Variants in FOXP4 observed in about 807,000 individuals in gnomAD.
The protein encoded by FOXP4 is forkhead box protein P4.
In FOXP4, 25 loss-of-function variants were observed where a neutral mutation model predicts 82.6. The observed-to-expected ratio is 0.30, with a 90% CI of 0.22 to 0.42. The LOEUF is 0.42. FOXP4 is among the 10% of genes least tolerant of loss of function. The pLI is 1.00. For missense variants in FOXP4, 785 were observed against 900.9 expected, an observed-to-expected ratio of 0.87 and a Z score of 1.65; for synonymous variants, 415 against 388.2, an observed-to-expected ratio of 1.07 and a Z score of -0.81.
At chr6:41,590,774 A>G (rs533284602) in intron 12 of FOXP4, among the ~76,000 whole-genome samples, 1 of 152,308 alleles carries the variant, frequency 6.6e-6, no homozygotes. Context: ...ATACCCACAC[A>G]GGCATGTACA....
chr6:41,590,750 A>G lies in FOXP4; in HGVS notation c.1434+403A>G, dbSNP rs983083400. Among the ~76,000 whole-genome samples, 5 of 152,144 alleles carry G rather than the reference A, an allele frequency of 3.3e-5. No individual in the cohort carries two copies. The South Asian group carries it at 6.2e-4, about 19-fold the overall frequency. On this transcript the variant is annotated intron_variant, in intron 12 of 16. Coordinates refer to ENST00000307972, the MANE Select transcript of FOXP4 (RefSeq NM_001012426.2). Reference sequence around the variant, plus strand: ...CTCAAGCATGAACTTACATCGACACATATGTCCTCCCTGATACCCACACAG... The same window carrying G: ...CTCAAGCATGAACTTACATCGACACGTATGTCCTCCCTGATACCCACACAG...
chr6:41,598,940 C>T lies in FOXP4; in HGVS notation c.*4C>T. On this transcript the variant is annotated 3_prime_UTR_variant, in exon 17 of 17. Coordinates refer to ENST00000307972, the MANE Select transcript of FOXP4 (RefSeq NM_001012426.2). ...GCCGGGAGAAGAACTGTCCTAAGGG[C>T]CTGTAGTGACCGGCAGGGCTGGGGT... 6.3e-7 allele frequency: 1 copy of T among 1,584,672 alleles called. No homozygotes were observed. The highest frequency in any genetic ancestry group is 8.6e-7 in the Non-Finnish European group (1 of 1,167,692).
intron 3 of FOXP4, 33 bp downstream of exon 3, chr6:41,578,114 T>G: frequency 6.3e-7 from 1 of 1,583,364 alleles, no homozygotes; most frequent in South Asian, 1.1e-5. Flanking sequence ...GGCTCTGGGT[T>G]GGGCTGGAGT....
At chr6:41,560,031 C>T (rs1230502972) in intron 1 of FOXP4, among the ~76,000 whole-genome samples, 2 of 152,228 alleles carry the variant, frequency 1.3e-5, no homozygotes, top group Middle Eastern at 3.2e-3. Context: ...TTATTGCAAT[C>T]TGCTTCCTAA....
At position 41,571,618 on chromosome 6, in the gene FOXP4, C is replaced by T. The variant is rs530643152; in HGVS notation, c.204+5654C>T. 5.9e-5 allele frequency among the ~76,000 whole-genome samples: 9 copies of T among 152,186 alleles called. No individual in the cohort carries two copies. In the South Asian group the frequency reaches 8.3e-4, roughly 14 times the overall value. On this transcript the variant is annotated intron_variant, in intron 2 of 16. Coordinates refer to ENST00000307972, the MANE Select transcript of FOXP4 (RefSeq NM_001012426.2). ...TTTTAATGGTTCTAATTTGAGAATG[C>T]GCCGATGTCATTTTTACGAGGTTGG... is the stretch of plus-strand genomic sequence containing the variant.
In FOXP4 at chr6:41,587,485, C is replaced by T; in HGVS notation, c.845C>T (p.Pro282Leu). 3 of 1,529,644 alleles carry T rather than the reference C, an allele frequency of 2.0e-6. No individual in the cohort carries two copies. The highest frequency in any genetic ancestry group is 1.3e-5 in the South Asian group (1 of 77,132). 94.8% of individuals were successfully genotyped at this position (1,529,644 alleles called of 1,614,324 possible). ...CACCATACCCTGCCCAACGGACAGC[C>T]TACTGTGCTCACATCTCGGAGAGAC... ...LSHHTLPNGQPTVLTSRRDSS... is the reference protein window; with the variant it reads ...LSHHTLPNGQLTVLTSRRDSS... Residue 282 changes from proline (P) to leucine (L), a missense_variant, in exon 7 of 17, where the codon CCT becomes CTT. Physicochemically the swap from Pro to Leu is moderately conservative, Grantham distance 98. Transcript: ENST00000307972.
At chr6:41,587,747 G>C in intron 7 of FOXP4, 46 bp from the exon 8 acceptor site, 1 of 1,304,370 alleles carries the variant, frequency 7.7e-7, no homozygotes, top group Non-Finnish European at 1.1e-6. Context: ...AGGGCCGCTG[G>C]GGTCTTCAGG....
At chr6:41,567,320 T>C (rs946770930) in intron 2 of FOXP4, among the ~76,000 whole-genome samples, 1 of 152,152 alleles carries the variant, frequency 6.6e-6, no homozygotes, top group Non-Finnish European at 1.5e-5. Context: ...AAAATCACTT[T>C]CTCTTGCCAG....
At chr6:41,575,605 A>T (rs971072782) in intron 2 of FOXP4, among the ~76,000 whole-genome samples, 2 of 152,162 alleles carry the variant, frequency 1.3e-5, no homozygotes, top group Non-Finnish European at 2.9e-5. Flanking sequence ...TGAGACTGCA[A>T]GGCCTTGCCA....
In FOXP4 at chr6:41,591,207, T is replaced by A; in HGVS notation, c.1435-14T>A. The A allele has an allele frequency of 6.3e-7, 1 of 1,599,304 alleles. No homozygotes were observed. Among genetic ancestry groups the A allele is most frequent in the East Asian group, 2.2e-5 (1 of 44,576 alleles). Reference sequence around the variant, plus strand: ...CCCAGGCTGACGGTCCCTTTGCTTGTTCCTTCCCCGCAGGCCATCCTGGAA... The same window carrying A: ...CCCAGGCTGACGGTCCCTTTGCTTGATCCTTCCCCGCAGGCCATCCTGGAA... On this transcript the variant is annotated splice_polypyrimidine_tract_variant and intron_variant, in intron 12 of 16. Coordinates refer to ENST00000307972, the MANE Select transcript of FOXP4 (RefSeq NM_001012426.2). The surrounding 1 kb of genome is among the most constrained non-coding windows in gnomAD (Gnocchi z 4.2).
At chr6:41,565,621 A>G in intron 1 of FOXP4, 124 bp from the exon 2 acceptor site, 1 of 848,962 alleles carries the variant, frequency 1.2e-6, no homozygotes, top group Non-Finnish European at 1.8e-6. Flanking sequence ...AGCCTCTGGG[A>G]AGTTGAGGAG....
At chr6:41,550,024 C>T (rs1048235386) in intron 1 of FOXP4, among the ~76,000 whole-genome samples, 5 of 152,194 alleles carry the variant, frequency 3.3e-5, no homozygotes, top group Admixed American at 1.3e-4. Context: ...GATCTTACCA[C>T]GCTCCAGCTT....
chr6:41,586,992 C>G lies in FOXP4; in HGVS notation c.511-17C>G, dbSNP rs777549120. On this transcript the variant is annotated splice_polypyrimidine_tract_variant and intron_variant, in intron 5 of 16. Transcript: ENST00000307972. The stretch of plus-strand genomic sequence containing the variant: ...GATGGCACCCCTCTCTGCCCGCCCC[C>G]TCGGGCCCCTCACCAGGCACTGGGG... 3.2e-6 allele frequency: 5 copies of G among 1,565,792 alleles called. No homozygotes were observed. In the African/African-American group the frequency reaches 6.7e-5, roughly 21 times the overall value.
At chr6:41,564,247 A>G (rs1764749578) in intron 1 of FOXP4, among the ~76,000 whole-genome samples, 1 of 152,124 alleles carries the variant, frequency 6.6e-6, no homozygotes, top group Non-Finnish European at 1.5e-5. Context: ...TGAGGCCAGG[A>G]GTTCGAGACC....
chr6:41,596,218 G>C (rs1766824741), intron 14 of FOXP4, among the ~76,000 whole-genome samples: 1 of 152,206 alleles, frequency 6.6e-6, no homozygotes, highest in South Asian at 2.1e-4. Flanking sequence ...AGTTTAAACA[G>C]AAACTGAGGA....
At chr6:41,587,232 T>C in intron 6 of FOXP4, 67 bp from the exon 7 acceptor site, 1 of 1,607,818 alleles carries the variant, frequency 6.2e-7, no homozygotes, top group Non-Finnish European at 8.5e-7. Flanking sequence ...GCAGCCCCTG[T>C]TCTTGGGGCC....
chr6:41,565,856 C>T lies in FOXP4; in HGVS notation c.96C>T (p.Gly32=), dbSNP rs149894394. 300 of 1,613,904 alleles carry T rather than the reference C, an allele frequency of 1.9e-4. No individual in the cohort carries two copies. Among genetic ancestry groups the T allele is most frequent in the South Asian group, 8.5e-4 (77 of 91,068 alleles). ...CTGGGCAAGCCGATGGCAGCAGCGG[C>T]GGGGCCACAGGGACAACTGCAAGTG... ...SLSGQADGSS[G]GATGTTASGT... The change falls in exon 2 of 17, where the codon GGC becomes GGT. Residue 32 remains glycine (G), a synonymous_variant. Coordinates refer to ENST00000307972, the MANE Select transcript of FOXP4 (RefSeq NM_001012426.2).
intron 3 of FOXP4, among the ~76,000 whole-genome samples, chr6:41,579,874 G>T (rs1004771010): frequency 6.6e-6 from 1 of 152,118 alleles, no homozygotes; most frequent in Non-Finnish European, 1.5e-5. Context: ...GACACTAAGC[G>T]CTTTACAGCT....
intron 3 of FOXP4, among the ~76,000 whole-genome samples, chr6:41,581,597 G>A (rs1274959933): frequency 1.3e-5 from 2 of 152,232 alleles, no homozygotes; most frequent in Admixed American, 6.5e-5. Context: ...CGGGACACCA[G>A]AGGAGCTCCA....
Sources: allele counts gnomAD v4.1 joint callset (sites outside exome capture counted in the v4.1 genomes callset), GRCh38; gene constraint gnomAD v4.1.1; non-coding constraint Gnocchi (gnomAD v3.1); transcripts MANE v1.5; gene names NCBI Gene and HGNC (gene_info 2026-07-23, HGNC 2026-07-21).